The following CDS1 variants were observed in gnomAD, a reference collection of about 807,000 sequenced individuals.
CDS1 encodes the protein CDP-diacylglycerol synthase 1.
CDS1 carries 41 observed loss-of-function variants against 62.1 expected under a neutral mutation model. That is an observed-to-expected ratio of 0.66 (90% CI 0.51 to 0.86). The LOEUF is 0.86. Among genes scored for constraint, CDS1 ranks in the 40% least tolerant of loss-of-function variants. CDS1 has a pLI of 0.00. For missense variants in CDS1, 470 were observed against 550.1 expected, an observed-to-expected ratio of 0.85 and a Z score of 1.46; for synonymous variants, 185 against 192.6, an observed-to-expected ratio of 0.96 and a Z score of 0.32.
At chr4:84,621,191 A>G (rs901301515) in intron 5 of CDS1, among the ~76,000 whole-genome samples, 2 of 152,244 alleles carry the variant, frequency 1.3e-5, no homozygotes, top group African/African-American at 2.4e-5. Flanking sequence ...CTTTAAAAGA[A>G]GGACATGAAG....
chr4:84,624,273 CA>C (rs1268924462), intron 5 of CDS1, among the ~76,000 whole-genome samples: 12 of 56,500 alleles, frequency 2.1e-4, no homozygotes, highest in East Asian at 5.5e-4. Flanking sequence ...GACTCTGTCT[CA>C]AAAAAAAAAA....
chr4:84,583,588 G>A, intron 1 of CDS1, 70 bp downstream of exon 1: 1 of 904,846 alleles, frequency 1.1e-6, no homozygotes, highest in Non-Finnish European at 1.6e-6. Flanking sequence ...ACACTTGAGA[G>A]CAAGGGTGGG....
At chr4:84,589,882 C>T (rs1481329434) in intron 1 of CDS1, among the ~76,000 whole-genome samples, 1 of 152,166 alleles carries the variant, frequency 6.6e-6, no homozygotes, top group East Asian at 1.9e-4. Context: ...GCGACCTCGG[C>T]TCACTGCAAG....
Position 84,583,337 on chromosome 4 carries a change from A to G in CDS1, c.-65A>G. On this transcript the variant is annotated 5_prime_UTR_variant, in exon 1 of 13. Coordinates refer to ENST00000295887, the MANE Select transcript of CDS1 (RefSeq NM_001263.4). Reference sequence around the variant, plus strand: ...GGTGGCGGGGCGCCCCGCCTGCAGAACCCTGCTTGCAGCTCAGGTTTCGGG... The same window carrying G: ...GGTGGCGGGGCGCCCCGCCTGCAGAGCCCTGCTTGCAGCTCAGGTTTCGGG... 3 of 1,250,538 alleles carry G rather than the reference A, an allele frequency of 2.4e-6. No individual in the cohort carries two copies. Among genetic ancestry groups the G allele is most frequent in the Admixed American group, 3.6e-5 (2 of 55,542 alleles). The allele number at this position is 1,250,538 out of a possible 1,614,324, so 77.5% of individuals were successfully genotyped here.
intron 1 of CDS1, among the ~76,000 whole-genome samples, chr4:84,584,454 A>G (rs755063693): frequency 1.3e-5 from 2 of 152,244 alleles, no homozygotes; most frequent in Non-Finnish European, 2.9e-5. Flanking sequence ...CTTTGGAAGC[A>G]GGCATTGCAG....
In CDS1 at chr4:84,650,119, CTT is replaced by C. The variant is rs1434973966; in HGVS notation, c.*1435_*1436del. The C allele has an allele frequency of 6.6e-6, 1 of 152,072 alleles. No individual in the cohort carries two copies. Among genetic ancestry groups the C allele is most frequent in the African/African-American group, 2.4e-5 (1 of 41,408 alleles). 9.4% of individuals were successfully genotyped at this position (152,072 alleles called of 1,614,324 possible). On this transcript the variant is annotated 3_prime_UTR_variant, in exon 13 of 13. Coordinates refer to ENST00000295887, the MANE Select transcript of CDS1 (RefSeq NM_001263.4). ...ATATTTTTGTTTAAATCAGCAAAAACTTTCCATTATTTTATATTTCCGTCTAC... is the reference window on the plus strand; with the variant it reads ...ATATTTTTGTTTAAATCAGCAAAAACTCCATTATTTTATATTTCCGTCTAC...
At chr4:84,610,861 T>C (rs1270853427) in intron 3 of CDS1, among the ~76,000 whole-genome samples, 1 of 152,234 alleles carries the variant, frequency 6.6e-6, no homozygotes, top group Non-Finnish European at 1.5e-5. Context: ...ATCTAGGTTT[T>C]GTAAGTATAC....
intron 5 of CDS1, among the ~76,000 whole-genome samples, chr4:84,631,305 A>G (rs931724099): frequency 1.3e-5 from 2 of 152,154 alleles, no homozygotes; most frequent in Non-Finnish European, 2.9e-5. Context: ...ATGAGTACCT[A>G]TATTATAGGA....
In CDS1 at chr4:84,604,286, CA is replaced by C. The variant is rs1723023942; in HGVS notation, c.162del (p.Asp55IlefsTer40). The C allele has an allele frequency of 6.2e-7, 1 of 1,611,062 alleles. No homozygotes were observed. The highest frequency in any genetic ancestry group is 2.2e-5 in the East Asian group (1 of 44,820). On this transcript the variant is annotated frameshift_variant, in exon 2 of 13. Coordinates refer to ENST00000295887, the MANE Select transcript of CDS1 (RefSeq NM_001263.4). LOFTEE classifies it high-confidence loss of function. ...DDRYGDLDSR[T>X]DSDIPEIPPS... ...AGATATGGAGATTTGGATTCCAGAA[CA>C]GATTCTGATATTCCGGAAATTCCAC...
chr4:84,615,046 G>T (rs1319265330), intron 3 of CDS1, among the ~76,000 whole-genome samples: 5 of 152,144 alleles, frequency 3.3e-5, no homozygotes, highest in Admixed American at 2.6e-4. Flanking sequence ...CGTGGAGCAG[G>T]TGCTGTGTGC....
chr4:84,607,698 C>T (rs1469190712), intron 2 of CDS1, among the ~76,000 whole-genome samples: 1 of 151,712 alleles, frequency 6.6e-6, no homozygotes, highest in Non-Finnish European at 1.5e-5. Context: ...GAGTTAGAGA[C>T]CAGCCTGGGC....
intron 5 of CDS1, among the ~76,000 whole-genome samples, chr4:84,626,271 T>A (rs890924786): frequency 1.3e-5 from 2 of 152,232 alleles, no homozygotes; most frequent in African/African-American, 4.8e-5. Context: ...AAAAGTTGTT[T>A]ATATATCACA....
intron 3 of CDS1, among the ~76,000 whole-genome samples, chr4:84,616,041 T>A (rs1318898677): frequency 6.6e-6 from 1 of 152,224 alleles, no homozygotes; most frequent in Non-Finnish European, 1.5e-5. Context: ...AGAAATACAA[T>A]TTATAGTGCC....
At chr4:84,623,311 A>G (rs1193154648) in intron 5 of CDS1, among the ~76,000 whole-genome samples, 1 of 152,156 alleles carries the variant, frequency 6.6e-6, no homozygotes, top group Non-Finnish European at 1.5e-5. Flanking sequence ...ATGTTTGTGC[A>G]TTTCTAAAGA....
At chr4:84,624,551 G>A (rs775750674) in intron 5 of CDS1, among the ~76,000 whole-genome samples, 2 of 151,816 alleles carry the variant, frequency 1.3e-5, no homozygotes, top group Non-Finnish European at 2.9e-5. Flanking sequence ...GCTTATAGAT[G>A]GATTTATATT....
Position 84,639,029 on chromosome 4 carries a change from C to T in CDS1, c.879+37C>T, listed in dbSNP as rs374972016. The T allele has an allele frequency of 1.2e-4, 117 of 1,000,610 alleles. 1 individual carries two copies. Among genetic ancestry groups the T allele is most frequent in the Middle Eastern group, 4.8e-4 (2 of 4,190 alleles). The allele number at this position is 1,000,610 out of a possible 1,614,324, so 62.0% of individuals were successfully genotyped here. On this transcript the variant is annotated intron_variant, in intron 9 of 12. Coordinates refer to ENST00000295887, the MANE Select transcript of CDS1 (RefSeq NM_001263.4). ...TAAGATTTTTATTTTGTATACATTT[C>T]GAAATATGATACCAAGCTTACTGGT...
At chr4:84,604,898 G>T (rs935479437) in intron 2 of CDS1, among the ~76,000 whole-genome samples, 7 of 152,104 alleles carry the variant, frequency 4.6e-5, no homozygotes, top group African/African-American at 1.2e-4. Flanking sequence ...GATTACAGGC[G>T]TGAAACATGG....
intron 1 of CDS1, 44 bp downstream of exon 1, chr4:84,583,562 C>A: frequency 8.0e-7 from 1 of 1,254,664 alleles, no homozygotes; most frequent in Non-Finnish European, 1.1e-6. Context: ...CTGGCTGGGT[C>A]CTGGTTGGAA....
intron 9 of CDS1, 141 bp from the exon 10 acceptor site, chr4:84,640,697 T>G (rs1172547620): frequency 3.0e-6 from 2 of 663,400 alleles, no homozygotes; most frequent in Non-Finnish European, 4.4e-6. Context: ...TGAAAATACA[T>G]AGCAAAATAT....
Sources: gnomAD v4.1 joint callset for allele counts (sites outside exome capture counted in the v4.1 genomes callset) on GRCh38, gnomAD v4.1.1 for gene constraint, MANE v1.5 for transcripts, NCBI Gene and HGNC (gene_info 2026-07-23, HGNC 2026-07-21) for gene names.